OPCML: variants seen among roughly 807,000 people sequenced by gnomAD.
OPCML encodes the protein opioid-binding protein/cell adhesion molecule.
In OPCML, 13 loss-of-function variants were observed where a neutral mutation model predicts 37.8. The observed-to-expected ratio is 0.34, with a 90% confidence interval of 0.22 to 0.55. OPCML has a LOEUF of 0.55. Ranked by LOEUF, OPCML falls within the 20% of genes least tolerant of loss-of-function variation. The pLI is 0.91. For missense variants in OPCML, 341 were observed against 435.6 expected (o/e 0.78, Z 1.93); for synonymous variants, 176 against 168.8 (o/e 1.04, Z -0.33).
intron 1 of OPCML, among the ~76,000 whole-genome samples, chr11:132,994,723 G>A (rs1946850452): frequency 1.3e-5 from 2 of 152,120 alleles, no homozygotes; most frequent in South Asian, 4.1e-4. Flanking sequence ...CTCTGTTCTT[G>A]GTGCTGGCAT....
chr11:132,441,285 A>G (rs1269559310), intron 4 of OPCML, among the ~76,000 whole-genome samples: 3 of 141,826 alleles, frequency 2.1e-5, no homozygotes, highest in East Asian at 2.1e-4. Context: ...CTCCTGCCTC[A>G]GCCTCCCAAG....
At chr11:133,420,194 C>CTTTT in intron 1 of OPCML, 1 of 718,072 alleles carries the variant, frequency 1.4e-6, no homozygotes, top group Non-Finnish European at 1.7e-6. Flanking sequence ...CACACAAGTA[C>CTTTT]TTTTTTTTTT....
chr11:132,553,110 A>C (rs974630441), intron 3 of OPCML, among the ~76,000 whole-genome samples: 4 of 152,122 alleles, frequency 2.6e-5, no homozygotes, highest in African/African-American at 9.7e-5. Context: ...TCCGCTATTG[A>C]TGTGCTTCAC....
intron 4 of OPCML, among the ~76,000 whole-genome samples, chr11:132,453,408 C>T (rs954262085): frequency 3.3e-5 from 5 of 152,168 alleles, no homozygotes; most frequent in Admixed American, 1.3e-4. Context: ...GAAGGAAGCT[C>T]GGTGACTACA....
intron 1 of OPCML, among the ~76,000 whole-genome samples, chr11:133,372,266 C>T (rs1414468162): frequency 6.6e-6 from 1 of 152,144 alleles, no homozygotes; most frequent in Non-Finnish European, 1.5e-5. Context: ...TATTTATGCA[C>T]ATAACAAAAA....
chr11:133,310,703 A>C (rs1943049136), intron 1 of OPCML, among the ~76,000 whole-genome samples: 1 of 152,122 alleles, frequency 6.6e-6, no homozygotes, highest in Admixed American at 6.5e-5. Context: ...GTTCCCACCC[A>C]GGGTTCAGGT....
chr11:133,107,099 G>A (rs540911622), intron 1 of OPCML, among the ~76,000 whole-genome samples: 2 of 152,304 alleles, frequency 1.3e-5, no homozygotes, highest in African/African-American at 4.8e-5. Flanking sequence ...TCTAGCCCCA[G>A]GCCACCTTCT....
At chr11:132,605,457 G>A (rs966900414) in intron 3 of OPCML, among the ~76,000 whole-genome samples, 12 of 151,866 alleles carry the variant, frequency 7.9e-5, no homozygotes, top group Admixed American at 2.6e-4. Flanking sequence ...CCAGCTACTC[G>A]GGAGGCTGAG....
chr11:133,469,811 T>C (rs914800768), intron 1 of OPCML, among the ~76,000 whole-genome samples: 2 of 152,188 alleles, frequency 1.3e-5, no homozygotes, highest in African/African-American at 2.4e-5. Context: ...TGGCACATGC[T>C]CTCTTCTGTA....
At chr11:133,150,999 G>A (rs1479437638) in intron 1 of OPCML, among the ~76,000 whole-genome samples, 1 of 152,032 alleles carries the variant, frequency 6.6e-6, no homozygotes, top group African/African-American at 2.4e-5. Context: ...CGTCGGCCAG[G>A]TGCGGTGGCT....
At chr11:133,056,273 G>A (rs945699102) in intron 1 of OPCML, among the ~76,000 whole-genome samples, 1 of 152,190 alleles carries the variant, frequency 6.6e-6, no homozygotes, top group African/African-American at 2.4e-5. Flanking sequence ...ATAAACTACT[G>A]TGTGGCCCTA....
chr11:133,067,946 C>A (rs187968517), intron 1 of OPCML: 1 of 152,190 alleles, frequency 6.6e-6, no homozygotes, highest in Non-Finnish European at 1.5e-5. Context: ...GGATGGTTAT[C>A]TTTGGGGGCG....
chr11:133,485,359 A>G (rs752918444), intron 1 of OPCML, among the ~76,000 whole-genome samples: 32 of 152,214 alleles, frequency 2.1e-4, no homozygotes, highest in Non-Finnish European at 4.0e-4. Context: ...TAAAACTACA[A>G]AAATTATGGA....
chr11:132,530,695 C>G (rs1179068971), intron 3 of OPCML, among the ~76,000 whole-genome samples: 3 of 152,022 alleles, frequency 2.0e-5, no homozygotes, highest in South Asian at 4.2e-4. Context: ...GTTTAACAAG[C>G]AAACAAACCC....
chr11:132,769,371 T>C (rs1459507378), intron 2 of OPCML, among the ~76,000 whole-genome samples: 2 of 151,890 alleles, frequency 1.3e-5, no homozygotes, highest in African/African-American at 2.4e-5. Flanking sequence ...TGAGTAGTTT[T>C]AATAAAGAAA....
intron 1 of OPCML, among the ~76,000 whole-genome samples, chr11:133,140,746 G>GA: frequency 1.6e-5 from 2 of 128,776 alleles, no homozygotes; most frequent in African/African-American, 5.4e-5. Context: ...CGACGACGAC[G>GA]AGGAAGAAGA....
chr11:133,237,107 T>A (rs922404568), intron 1 of OPCML, among the ~76,000 whole-genome samples: 2 of 152,170 alleles, frequency 1.3e-5, no homozygotes, highest in Non-Finnish European at 2.9e-5. Flanking sequence ...CTTTAAGAAG[T>A]GCTAACCAAA....
At chr11:133,482,000 A>T (rs1198637035) in intron 1 of OPCML, among the ~76,000 whole-genome samples, 1 of 152,206 alleles carries the variant, frequency 6.6e-6, no homozygotes, top group South Asian at 2.1e-4. Context: ...AAGAAATTCC[A>T]AGTGGTGCAG....
intron 1 of OPCML, among the ~76,000 whole-genome samples, chr11:133,252,914 A>G (rs974182860): frequency 1.3e-5 from 2 of 152,086 alleles, no homozygotes; most frequent in African/African-American, 4.8e-5. Context: ...TTGGGAGGCC[A>G]AGGCGGGTGG....
Sources: allele counts gnomAD v4.1 joint callset (sites outside exome capture counted in the v4.1 genomes callset), GRCh38; gene constraint gnomAD v4.1.1; transcripts MANE v1.5; gene names NCBI Gene and HGNC (gene_info 2026-07-23, HGNC 2026-07-21).